The following RPRD1A variants were observed in gnomAD, a reference collection of about 807,000 sequenced individuals.
RPRD1A encodes the protein regulation of nuclear pre-mRNA domain containing 1A.
In RPRD1A, 9 loss-of-function variants were observed where a neutral mutation model predicts 37.8. The ratio of observed to expected loss-of-function variants is 0.24; its 90% CI spans 0.14 to 0.42. The LOEUF (loss-of-function observed/expected upper bound fraction) is 0.42, where lower values mean the gene tolerates loss of function less well. RPRD1A is among the 10% of genes least tolerant of loss of function. The pLI, the probability that RPRD1A is intolerant of heterozygous loss-of-function variation, is 1.00. For synonymous variants in RPRD1A, 138 were observed against 139.7 expected (o/e 0.99, Z 0.08); for missense variants, 255 against 371.0 (o/e 0.69, Z 2.57).
chr18:35,994,350 A>T (rs957532420), intron 6 of RPRD1A, among the ~76,000 whole-genome samples: 1 of 152,240 alleles, frequency 6.6e-6, no homozygotes, highest in Admixed American at 6.5e-5. Context: ...GCAACTCTCC[A>T]GGAAAGAAAG....
At chr18:36,017,714 T>A (rs1195920652) in intron 6 of RPRD1A, among the ~76,000 whole-genome samples, 1 of 152,240 alleles carries the variant, frequency 6.6e-6, no homozygotes, top group Admixed American at 6.5e-5. Flanking sequence ...TAATTAGCAT[T>A]AGTATTGATA....
At chr18:36,015,258 G>C (rs1178373125) in intron 6 of RPRD1A, among the ~76,000 whole-genome samples, 1 of 149,032 alleles carries the variant, frequency 6.7e-6, no homozygotes, top group Non-Finnish European at 1.5e-5. Flanking sequence ...TGTCGCCCAG[G>C]CTAGAGTGCA....
intron 1 of RPRD1A, among the ~76,000 whole-genome samples, chr18:36,061,517 G>A (rs939418539): frequency 6.6e-6 from 1 of 152,190 alleles, no homozygotes; most frequent in African/African-American, 2.4e-5. Context: ...TTCAGCGAGT[G>A]TGTGTAGAAA....
chr18:36,036,071 T>C (rs1262877496), intron 1 of RPRD1A, among the ~76,000 whole-genome samples: 1 of 151,934 alleles, frequency 6.6e-6, no homozygotes, highest in Non-Finnish European at 1.5e-5. Flanking sequence ...GTAAATAATA[T>C]TTATTACCAC....
intron 6 of RPRD1A, among the ~76,000 whole-genome samples, chr18:36,020,261 T>C (rs1448616161): frequency 6.6e-6 from 1 of 152,132 alleles, no homozygotes; most frequent in African/African-American, 2.4e-5. Context: ...AAAACCCTTA[T>C]CCCATATAAC....
chr18:36,062,534 C>T (rs946167354), intron 1 of RPRD1A, among the ~76,000 whole-genome samples: 1 of 151,644 alleles, frequency 6.6e-6, no homozygotes, highest in African/African-American at 2.4e-5. Flanking sequence ...GGAAACAACT[C>T]GAACGTCTAT....
intron 1 of RPRD1A, among the ~76,000 whole-genome samples, chr18:36,059,028 T>C (rs1913988061): frequency 6.6e-6 from 1 of 152,222 alleles, no homozygotes; most frequent in South Asian, 2.1e-4. Flanking sequence ...TATGTTACGA[T>C]AATTGCATGA....
chr18:36,045,837 A>G (rs1408147602), intron 1 of RPRD1A, among the ~76,000 whole-genome samples: 1 of 152,234 alleles, frequency 6.6e-6, no homozygotes, highest in African/African-American at 2.4e-5. Context: ...GACAAATTCT[A>G]AAATCCATGT....
chr18:36,059,875 T>G (rs1233896209), intron 1 of RPRD1A, among the ~76,000 whole-genome samples: 1 of 152,250 alleles, frequency 6.6e-6, no homozygotes, highest in Non-Finnish European at 1.5e-5. Flanking sequence ...AAATTAAGTT[T>G]TTTTAAGTGT....
chr18:36,002,236 A>T (rs2144163572), intron 6 of RPRD1A, among the ~76,000 whole-genome samples: 1 of 152,278 alleles, frequency 6.6e-6, no homozygotes, highest in African/African-American at 2.4e-5. Context: ...TTCCAAGCCC[A>T]TGTACATTAT....
chr18:36,030,490 A>T (rs1911698824), intron 4 of RPRD1A, among the ~76,000 whole-genome samples: 1 of 152,148 alleles, frequency 6.6e-6, no homozygotes, highest in African/African-American at 2.4e-5. Flanking sequence ...CTCAAAAAAA[A>T]AAAATCACAT....
chr18:36,025,467 G>A, intron 6 of RPRD1A: 1 of 405,132 alleles, frequency 2.5e-6, no homozygotes, highest in South Asian at 2.2e-5. Flanking sequence ...ATTTTCTACA[G>A]TTACACTTCA....
intron 4 of RPRD1A, among the ~76,000 whole-genome samples, chr18:36,030,204 G>T (rs1911676042): frequency 1.3e-5 from 2 of 151,670 alleles, no homozygotes; most frequent in African/African-American, 4.8e-5. Context: ...TCATACATGA[G>T]CCGGGCACAG....
At chr18:36,054,344 T>A (rs973015055) in intron 1 of RPRD1A, among the ~76,000 whole-genome samples, 3 of 151,760 alleles carry the variant, frequency 2.0e-5, no homozygotes, top group Non-Finnish European at 2.9e-5. Context: ...TAGAAAAAAA[T>A]TAGCCAGATG....
intron 1 of RPRD1A, among the ~76,000 whole-genome samples, chr18:36,041,833 CAA>C (rs1832376078): frequency 6.6e-6 from 1 of 152,206 alleles, no homozygotes; most frequent in Non-Finnish European, 1.5e-5. Flanking sequence ...CCAGACAGGA[CAA>C]AGAGTTCAGT....
In RPRD1A at chr18:36,067,486, C is replaced by T. The variant is rs2089056089; in HGVS notation, c.-82G>A. 4 of 1,416,912 alleles carry T rather than the reference C, an allele frequency of 2.8e-6. No individual in the cohort carries two copies. The highest frequency in any genetic ancestry group is 3.8e-6 in the Non-Finnish European group (4 of 1,043,202). The allele number at this position is 1,416,912 out of a possible 1,614,324, so 87.8% of individuals were successfully genotyped here. A position where few individuals can be genotyped will look rare whatever the true frequency, so the allele number is the denominator to read the frequency against. On this transcript the variant is annotated 5_prime_UTR_variant, in exon 1 of 7. Coordinates refer to ENST00000399022, the MANE Select transcript of RPRD1A (RefSeq NM_018170.5). Reference sequence around the variant, plus strand: ...TCGCCGCCCTAGCTGCGGCCTCGCCCCCTCACCCCACCCTTCCCCACGCTC... The same window carrying T: ...TCGCCGCCCTAGCTGCGGCCTCGCCTCCTCACCCCACCCTTCCCCACGCTC...
intron 6 of RPRD1A, among the ~76,000 whole-genome samples, chr18:36,008,192 G>T (rs1280411785): frequency 1.3e-5 from 2 of 151,906 alleles, no homozygotes; most frequent in African/African-American, 2.4e-5. Flanking sequence ...TTTTTAAAAG[G>T]CATTGTCTGT....
At chr18:36,017,982 GA>G (rs1318606642) in intron 6 of RPRD1A, among the ~76,000 whole-genome samples, 1 of 152,124 alleles carries the variant, frequency 6.6e-6, no homozygotes, top group Non-Finnish European at 1.5e-5. Flanking sequence ...TACAGAAGGG[GA>G]AAAAATGCAA....
intron 1 of RPRD1A, among the ~76,000 whole-genome samples, chr18:36,045,530 T>C (rs1029273596): frequency 6.6e-6 from 1 of 152,194 alleles, no homozygotes; most frequent in African/African-American, 2.4e-5. Context: ...GCTGGCAGCC[T>C]GGGAACAATA....
Sources: allele counts gnomAD v4.1 joint callset (sites outside exome capture counted in the v4.1 genomes callset), GRCh38; gene constraint gnomAD v4.1.1; transcripts MANE v1.5; gene names NCBI Gene and HGNC (gene_info 2026-07-23, HGNC 2026-07-21).